The following PDCD2 variants were observed in gnomAD, a reference collection of about 807,000 sequenced individuals.
PDCD2 encodes the protein programmed cell death 2, also known as uS5 assembly chaperone PDCD2.
A neutral mutation model predicts 38.1 loss-of-function variants in PDCD2; 38 were observed. The ratio of observed to expected loss-of-function variants is 1.00; its 90% CI spans 0.77 to 1.31. PDCD2 has a LOEUF of 1.31. Ranked by LOEUF, PDCD2 falls within the 50% of genes most tolerant of loss-of-function variation. The pLI is 0.00. For missense variants in PDCD2, 473 were observed against 435.7 expected (o/e 1.09, Z -0.76); for synonymous variants, 205 against 168.9 (o/e 1.21, Z -1.66).
At chr6:170,583,833 A>T (rs142249246) in intron 1 of PDCD2, 86 bp from the exon 2 acceptor site, 160 of 652,238 alleles carry the variant, frequency 2.5e-4, no homozygotes, top group Middle Eastern at 3.8e-4. Context: ...ACTGAAAATA[A>T]CAACAACAAA....
intron 3 of PDCD2, among the ~76,000 whole-genome samples, chr6:170,580,503 T>TC (rs1779563784): frequency 6.6e-6 from 1 of 152,118 alleles, no homozygotes; most frequent in South Asian, 2.1e-4. Context: ...TCACCTGAGG[T>TC]CAGGAGTTCA....
chr6:170,580,385 ATCC>A, intron 3 of PDCD2, among the ~76,000 whole-genome samples: 1 of 152,318 alleles, frequency 6.6e-6, no homozygotes, highest in East Asian at 1.9e-4. Context: ...TATCATTAGT[ATCC>A]TCAGCTGGTA....
At position 170,580,085 on chromosome 6, in the gene PDCD2, G is replaced by T; in HGVS notation, c.679C>A (p.Leu227Met). ...GATTCATGTTTTGCCATGGAATCCA[G>T]TTCTTCCTCAAGTGCTTCACCTGAA... is the stretch of plus-strand genomic sequence containing the variant. ...GSMGEALEEE[L>M]DSMAKHESRE... Residue 227 changes from leucine (L) to methionine (M), a missense_variant, in exon 4 of 6, where the codon CTG becomes ATG. Leu to Met is a conservative substitution (Grantham distance 15). Coordinates refer to ENST00000541970, the MANE Select transcript of PDCD2 (RefSeq NM_002598.4). 1.9e-6 allele frequency: 3 copies of T among 1,609,502 alleles called. No homozygotes were observed. Among genetic ancestry groups the T allele is most frequent in the Non-Finnish European group, 2.6e-6 (3 of 1,176,462 alleles).
At chr6:170,579,133 T>C (rs1779525859) in intron 4 of PDCD2, 163 bp from the exon 5 acceptor site, 1 of 549,842 alleles carries the variant, frequency 1.8e-6, no homozygotes, top group Admixed American at 3.8e-5. Flanking sequence ...AGTGTGCCAC[T>C]AATGCCTTCT....
chr6:170,578,650 C>G (rs1779512212), intron 5 of PDCD2: 2 of 703,280 alleles, frequency 2.8e-6, no homozygotes, highest in African/African-American at 1.7e-5. Context: ...TAGACCGTGT[C>G]TGAAAACTAG....
chr6:170,577,698 T>G lies in PDCD2; in HGVS notation c.896A>C (p.Asn299Thr). Reference sequence around the variant, plus strand: ...GCCCAGTCTGTCAGCCTTCAGGTAGTTTAGGAGCTGAGGCATGACCTGAGA... The same window carrying G: ...GCCCAGTCTGTCAGCCTTCAGGTAGGTTAGGAGCTGAGGCATGACCTGAGA... ...LEFQVMPQLL[N>T]YLKADRLGKS... The change falls in exon 6 of 6, where the codon AAC becomes ACC. Residue 299 changes from asparagine (N) to threonine (T), a missense_variant. By Grantham distance (65) the Asn-to-Thr change is moderately conservative. Transcript: ENST00000541970. The G allele has an allele frequency of 6.2e-7, 1 of 1,612,844 alleles. No individual in the cohort carries two copies. Among genetic ancestry groups the G allele is most frequent in the Non-Finnish European group, 8.5e-7 (1 of 1,179,968 alleles).
intron 1 of PDCD2, 84 bp from the exon 2 acceptor site, chr6:170,583,831 T>TATTC (rs113114915): frequency 9.7e-7 from 1 of 1,028,846 alleles, no homozygotes; most frequent in Non-Finnish European, 1.4e-6. Context: ...AAACTGAAAA[T>TATTC]AACAACAACA....
rs769200596 is a variant in PDCD2, at chr6:170,576,464, C to T, written c.*1095G>A. ...GCCTGAGAAATTTATCAGAATTAGCCGTCAGTATTCAAGCACTGATCAACA... is the reference window on the plus strand; with the variant it reads ...GCCTGAGAAATTTATCAGAATTAGCTGTCAGTATTCAAGCACTGATCAACA... On this transcript the variant is annotated 3_prime_UTR_variant, in exon 6 of 6. Transcript: ENST00000541970. The T allele has an allele frequency of 2.6e-5, 4 of 152,134 alleles. No individual in the cohort carries two copies. Among genetic ancestry groups the T allele is most frequent in the African/African-American group, 7.2e-5 (3 of 41,430 alleles). 9.4% of individuals were successfully genotyped at this position (152,134 alleles called of 1,614,324 possible).
Position 170,577,333 on chromosome 6 carries a change from G to A in PDCD2, c.*226C>T, listed in dbSNP as rs1157616411. 2.3e-5 allele frequency: 11 copies of A among 468,628 alleles called. No homozygotes were observed. The highest frequency in any genetic ancestry group is 3.9e-5 in the African/African-American group (2 of 51,580). The allele number at this position is 468,628 out of a possible 1,614,324, so 29.0% of individuals were successfully genotyped here. ...TGGTATGTCTGTTGTCAATATAGGT[G>A]TTATAATTAAGACTGTGTAGCCTTC... On this transcript the variant is annotated 3_prime_UTR_variant, in exon 6 of 6. Transcript: ENST00000541970.
rs1432495346 is a variant in PDCD2, at chr6:170,582,427, AT to A, written c.658+629del. The A allele has an allele frequency of 2.8e-6, 4 of 1,448,250 alleles. No homozygotes were observed. The South Asian group carries it at 5.8e-5, about 21-fold the overall frequency. 89.7% of individuals were successfully genotyped at this position (1,448,250 alleles called of 1,614,324 possible). On this transcript the variant is annotated intron_variant, in intron 3 of 5. Coordinates refer to ENST00000541970, the MANE Select transcript of PDCD2 (RefSeq NM_002598.4). ...TATGGCTCAAGGCTCAAATTGTAAA[AT>A]TTAATATTATGTGACCAAAGAAAGT...
chr6:170,581,193 C>A (rs908873978), intron 3 of PDCD2: 1 of 152,170 alleles, frequency 6.6e-6, no homozygotes, highest in East Asian at 1.9e-4. Context: ...TCAACACTAT[C>A]AAGTCCAGTG....
intron 3 of PDCD2, chr6:170,582,279 C>T (rs1307690822): frequency 6.7e-7 from 1 of 1,502,988 alleles, no homozygotes; most frequent in Non-Finnish European, 9.0e-7. Context: ...TTATCAAGCA[C>T]AAGGTCAGGC....
Position 170,577,429 on chromosome 6 carries a change from C to A in PDCD2, c.*130G>T, listed in dbSNP as rs1779475771. 5 of 757,158 alleles carry A rather than the reference C, an allele frequency of 6.6e-6. No individual in the cohort carries two copies. Among genetic ancestry groups the A allele is most frequent in the South Asian group, 3.7e-5 (2 of 53,828 alleles). 46.9% of individuals were successfully genotyped at this position (757,158 alleles called of 1,614,324 possible). On this transcript the variant is annotated 3_prime_UTR_variant, in exon 6 of 6. Transcript: ENST00000541970. ...CTTTTGTTTCACTAATAAGTAGACACTGTGTAAGCAATCTGTCAACATCTC... is the reference window on the plus strand; with the variant it reads ...CTTTTGTTTCACTAATAAGTAGACAATGTGTAAGCAATCTGTCAACATCTC...
Position 170,580,081 on chromosome 6 carries a change from T to A in PDCD2, c.683A>T (p.Asp228Val). Residue 228 changes from aspartate to valine, a missense_variant, in exon 4 of 6, where the codon GAT becomes GTT. Physicochemically the swap from Asp to Val is radical, Grantham distance 152. Coordinates refer to ENST00000541970, the MANE Select transcript of PDCD2 (RefSeq NM_002598.4). Reference protein sequence around the residue: ...SMGEALEEELDSMAKHESRED... With the variant: ...SMGEALEEELVSMAKHESRED... ...CCTGGATTCATGTTTTGCCATGGAATCCAGTTCTTCCTCAAGTGCTTCACC... is the reference window on the plus strand; with the variant it reads ...CCTGGATTCATGTTTTGCCATGGAAACCAGTTCTTCCTCAAGTGCTTCACC... The A allele has an allele frequency of 6.2e-7, 1 of 1,610,040 alleles. No individual in the cohort carries two copies. The highest frequency in any genetic ancestry group is 1.3e-5 in the African/African-American group (1 of 74,986).
intron 5 of PDCD2, 69 bp from the exon 6 acceptor site, chr6:170,577,786 G>A: frequency 7.0e-7 from 1 of 1,434,278 alleles, no homozygotes; most frequent in Non-Finnish European, 9.6e-7. Context: ...TCTCAGCCAG[G>A]ATGATTATAG....
At chr6:170,580,172 G>C in intron 3 of PDCD2, 67 bp from the exon 4 acceptor site, 1 of 884,462 alleles carries the variant, frequency 1.1e-6, no homozygotes, top group Non-Finnish European at 1.8e-6. Flanking sequence ...TTCACACATG[G>C]AGAGGGGACC....
At chr6:170,581,301 TCTTTC>T (rs1779589048) in intron 3 of PDCD2, 1 of 152,170 alleles carries the variant, frequency 6.6e-6, no homozygotes. Context: ...GAAGGCAAAC[TCTTTC>T]CTTTTATTTA....
At chr6:170,581,636 C>T (rs1165713341) in intron 3 of PDCD2, 3 of 158,086 alleles carry the variant, frequency 1.9e-5, no homozygotes, top group Admixed American at 5.9e-5. Context: ...ACACAATCAA[C>T]ATTATCTTCC....
intron 3 of PDCD2, 32 bp downstream of exon 3, chr6:170,583,025 C>T (rs1779662787): frequency 1.9e-6 from 3 of 1,597,356 alleles, no homozygotes; most frequent in African/African-American, 2.7e-5. Context: ...TATGTTTAAC[C>T]ACTTAATGAA....
Sources: gnomAD v4.1 joint callset for allele counts (sites outside exome capture counted in the v4.1 genomes callset) on GRCh38, gnomAD v4.1.1 for gene constraint, MANE v1.5 for transcripts, NCBI Gene and HGNC (gene_info 2026-07-23, HGNC 2026-07-21) for gene names.